CHST15: variants seen among roughly 807,000 people sequenced by gnomAD.
CHST15 encodes carbohydrate sulfotransferase 15.
Under a neutral mutation model 53.6 loss-of-function variants are expected in CHST15, and 30 were observed. The observed-to-expected ratio is 0.56, with a 90% CI of 0.42 to 0.76. CHST15 has a LOEUF of 0.76. Among genes scored for constraint, CHST15 ranks in the 30% least tolerant of loss-of-function variants. The pLI is 0.00. For synonymous variants in CHST15, 296 were observed against 289.8 expected, an observed-to-expected ratio of 1.02 and a Z score of -0.22; for missense variants, 627 against 740.5, an observed-to-expected ratio of 0.85 and a Z score of 1.78.
At chr10:124,089,813 T>A (rs934494357) in intron 1 of CHST15, among the ~76,000 whole-genome samples, 3 of 152,160 alleles carry the variant, frequency 2.0e-5, no homozygotes, top group African/African-American at 7.2e-5. Context: ...CAATTCCGCT[T>A]GTCCCCATCC....
At chr10:124,021,452 C>A in intron 5 of CHST15, 40 bp from the exon 6 acceptor site, 1 of 1,575,332 alleles carries the variant, frequency 6.3e-7, no homozygotes, top group South Asian at 1.2e-5. Context: ...CACCCATGAA[C>A]ATGCAATCAC....
At chr10:124,010,482 G>A in intron 7 of CHST15, 143 bp from the exon 8 acceptor site, 1 of 1,407,454 alleles carries the variant, frequency 7.1e-7, no homozygotes, top group South Asian at 1.6e-5. Context: ...TTCTTTGGCT[G>A]GATCCATTTT....
intron 1 of CHST15, among the ~76,000 whole-genome samples, chr10:124,053,979 A>G (rs1297378787): frequency 1.3e-5 from 2 of 152,086 alleles, no homozygotes; most frequent in African/African-American, 4.8e-5. Context: ...TCAAGACACA[A>G]TGGCTGAAAC....
chr10:124,044,299 C>A (rs1383172828), intron 3 of CHST15, among the ~76,000 whole-genome samples: 1 of 152,206 alleles, frequency 6.6e-6, no homozygotes, highest in East Asian at 1.9e-4. Flanking sequence ...GCACTTACTG[C>A]TGACTGCTCG....
intron 1 of CHST15, among the ~76,000 whole-genome samples, chr10:124,076,403 G>C (rs1036357652): frequency 6.6e-6 from 1 of 152,212 alleles, no homozygotes; most frequent in African/African-American, 2.4e-5. Flanking sequence ...TTCCCCAGCA[G>C]ACCAGGCTGA....
chr10:124,022,006 GT>G (rs1432622917), intron 5 of CHST15, among the ~76,000 whole-genome samples: 2 of 152,102 alleles, frequency 1.3e-5, no homozygotes, highest in Non-Finnish European at 2.9e-5. Flanking sequence ...AGACTTACAC[GT>G]TTACCCGTGG....
intron 6 of CHST15, among the ~76,000 whole-genome samples, chr10:124,014,937 G>C (rs1244973623): frequency 1.3e-5 from 2 of 152,194 alleles, no homozygotes; most frequent in African/African-American, 4.8e-5. Flanking sequence ...AGGCAGGGCT[G>C]AGCCAGGAAG....
Position 124,019,112 on chromosome 10 carries a change from T to G in CHST15, c.1347+2144A>C, listed in dbSNP as rs1456434181. Among the ~76,000 whole-genome samples the G allele has an allele frequency of 6.6e-6, 1 of 152,092 alleles. No homozygotes were observed. Among genetic ancestry groups the G allele is most frequent in the Non-Finnish European group, 1.5e-5 (1 of 68,014 alleles). On this transcript the variant is annotated intron_variant, in intron 6 of 7. Coordinates refer to ENST00000435907, the MANE Select transcript of CHST15 (RefSeq NM_001270764.2). The surrounding 1 kb of genome is among the most constrained non-coding windows in gnomAD (Gnocchi z 4.6). Reference sequence around the variant, plus strand: ...AAGAGCCACCTGCACCAGGAAAGTGTAGATGTGGCACGAAATGGGCCTGGC... The same window carrying G: ...AAGAGCCACCTGCACCAGGAAAGTGGAGATGTGGCACGAAATGGGCCTGGC...
At chr10:124,082,794 C>A (rs190076371) in intron 1 of CHST15, among the ~76,000 whole-genome samples, 2 of 152,204 alleles carry the variant, frequency 1.3e-5, no homozygotes, top group Non-Finnish European at 2.9e-5. Context: ...GACAGTTACA[C>A]AGAGTAAAAG....
At chr10:124,041,812 A>G (rs1947751637) in intron 4 of CHST15, among the ~76,000 whole-genome samples, 3 of 152,256 alleles carry the variant, frequency 2.0e-5, no homozygotes, top group Admixed American at 2.0e-4. Flanking sequence ...GGCTTTTTAA[A>G]CAGCAATTAG....
At chr10:124,021,480 G>A (rs1413377710) in intron 5 of CHST15, 68 bp from the exon 6 acceptor site, 2 of 1,552,036 alleles carry the variant, frequency 1.3e-6, no homozygotes, top group East Asian at 4.5e-5. Context: ...GGGCGACAAT[G>A]AAAATCAGTG....
chr10:124,012,836 GT>G (rs1159014555), intron 6 of CHST15, among the ~76,000 whole-genome samples: 4 of 152,110 alleles, frequency 2.6e-5, no homozygotes, highest in African/African-American at 9.7e-5. Flanking sequence ...TGTTCCCAGT[GT>G]GACCTCTATG....
At chr10:124,022,956 A>C (rs1055038402) in intron 5 of CHST15, among the ~76,000 whole-genome samples, 15 of 151,324 alleles carry the variant, frequency 9.9e-5, no homozygotes, top group African/African-American at 3.6e-4. Flanking sequence ...AGTTGGGACT[A>C]CAGGCGCCTG....
chr10:124,010,726 T>G (rs1946387972), intron 7 of CHST15: 4 of 985,398 alleles, frequency 4.1e-6, no homozygotes, highest in Non-Finnish European at 4.8e-6. Flanking sequence ...CGGGTTTCGG[T>G]TTTCCTGCTC....
intron 1 of CHST15, among the ~76,000 whole-genome samples, chr10:124,067,208 T>C (rs1183749926): frequency 1.3e-5 from 2 of 152,386 alleles, no homozygotes; most frequent in South Asian, 4.1e-4. Context: ...TTTCAGAGCA[T>C]GAAGCCCAGA....
intron 6 of CHST15, among the ~76,000 whole-genome samples, chr10:124,016,769 G>A (rs1012224239): frequency 7.9e-5 from 12 of 152,184 alleles, no homozygotes; most frequent in African/African-American, 2.4e-4. Flanking sequence ...CTAATGAGAC[G>A]ATGCATTGAA....
chr10:124,054,242 CTTTGTCTAAA>C (rs1948300663), intron 1 of CHST15, among the ~76,000 whole-genome samples: 1 of 152,324 alleles, frequency 6.6e-6, no homozygotes, highest in Non-Finnish European at 1.5e-5. Flanking sequence ...ATCACCCGTG[CTTTGTCTAAA>C]ACAGGTATTC....
intron 1 of CHST15, among the ~76,000 whole-genome samples, chr10:124,075,711 T>C (rs7076074): frequency 0.69 from 105,574 of 152,008 alleles, 37,019 homozygotes; most frequent in African/African-American, 0.78. Flanking sequence ...CTTTCCTTGG[T>C]TAGAACCTCC....
At chr10:124,065,872 C>T (rs964115196) in intron 1 of CHST15, among the ~76,000 whole-genome samples, 13 of 152,106 alleles carry the variant, frequency 8.5e-5, no homozygotes, top group Admixed American at 8.5e-4. Context: ...AATTTTTCAG[C>T]ACATGCCGCA....
Sources: allele counts gnomAD v4.1 joint callset (sites outside exome capture counted in the v4.1 genomes callset), GRCh38; gene constraint gnomAD v4.1.1; non-coding constraint Gnocchi (gnomAD v3.1); transcripts MANE v1.5; gene names NCBI Gene and HGNC (gene_info 2026-07-23, HGNC 2026-07-21).